Variants in PLEKHB1 observed in about 807,000 individuals in gnomAD.
PLEKHB1 encodes pleckstrin homology domain-containing family B member 1.
Under a neutral mutation model 36.2 loss-of-function variants are expected in PLEKHB1, and 29 were observed. The observed-to-expected ratio is 0.80, with a 90% CI of 0.60 to 1.09. The LOEUF (loss-of-function observed/expected upper bound fraction) is 1.09, where lower values mean the gene tolerates loss of function less well. Among genes scored for constraint, PLEKHB1 ranks in the 50% least tolerant of loss-of-function variants. The probability of loss-of-function intolerance (pLI) is 0.00; values close to 1 mark genes in which losing one functional copy is unlikely to be tolerated. For missense variants in PLEKHB1, 330 were observed against 348.2 expected (o/e 0.95, Z 0.42); for synonymous variants, 138 against 140.0 (o/e 0.99, Z 0.10).
intron 1 of PLEKHB1, 142 bp from the exon 2 acceptor site, chr11:73,648,870 G>A: frequency 2.8e-6 from 4 of 1,419,188 alleles, no homozygotes; most frequent in Non-Finnish European, 3.7e-6. Context: ...AGAGAATGGG[G>A]AGGAGGCCGA....
intron 6 of PLEKHB1, 90 bp from the exon 7 acceptor site, chr11:73,660,663 A>C: frequency 7.9e-7 from 1 of 1,269,946 alleles, no homozygotes; most frequent in Non-Finnish European, 1.1e-6. Context: ...GGCTCCATGG[A>C]TCCCAGAGAG....
intron 3 of PLEKHB1, 93 bp from the exon 4 acceptor site, chr11:73,651,695 C>T (rs1023054079): frequency 1.0e-6 from 1 of 983,216 alleles, no homozygotes; most frequent in South Asian, 1.4e-5. Flanking sequence ...TAAACAGAGC[C>T]CAGAGAAGTC....
chr11:73,655,895 G>A lies in PLEKHB1; in HGVS notation c.483G>A (p.Glu161=). The part of the protein sequence containing the change: ...VTRSWSPCKV[E]RRIWVRVYSP... ...GCTCGTGGAGCCCCTGTAAGGTTGA[G>A]AGGCGGATCTGGGTAAGTGCTGGCT... The change falls in exon 6 of 8, where the codon GAG becomes GAA. Residue 161 remains glutamate (E), a synonymous_variant. Coordinates refer to ENST00000354190, the MANE Select transcript of PLEKHB1 (RefSeq NM_021200.3). The A allele has an allele frequency of 6.2e-7, 1 of 1,613,802 alleles. No homozygotes were observed. Among genetic ancestry groups the A allele is most frequent in the Non-Finnish European group, 8.5e-7 (1 of 1,179,852 alleles).
At chr11:73,649,383 C>T (rs1007807233) in intron 2 of PLEKHB1, among the ~76,000 whole-genome samples, 9 of 152,096 alleles carry the variant, frequency 5.9e-5, no homozygotes, top group African/African-American at 1.7e-4. Context: ...GCTCCCTCCT[C>T]GGTTTTCACG....
chr11:73,646,770 T>C, intron 1 of PLEKHB1, 144 bp downstream of exon 1: 1 of 845,890 alleles, frequency 1.2e-6, no homozygotes, highest in East Asian at 2.7e-5. Flanking sequence ...TAGGTGAGGG[T>C]TTGCGGGGCT....
In PLEKHB1 at chr11:73,660,800, C is replaced by T. The variant is rs1481302009; in HGVS notation, c.543C>T (p.Pro181=). The T allele has an allele frequency of 1.2e-6, 2 of 1,602,832 alleles. No homozygotes were observed. Among genetic ancestry groups the T allele is most frequent in the Admixed American group, 1.7e-5 (1 of 58,710 alleles). ...PYQDYYEVVP[P]NAHEATYVRS... ...AAGACTACTACGAGGTGGTGCCCCC[C>T]AATGCACACGAGGCCACGTATGTCC... is the stretch of plus-strand genomic sequence containing the variant. The change falls in exon 7 of 8, where the codon CCC becomes CCT. Residue 181 remains proline (P), a synonymous_variant. Transcript: ENST00000354190.
intron 6 of PLEKHB1, among the ~76,000 whole-genome samples, chr11:73,656,592 TC>T (rs1944997603): frequency 6.6e-6 from 1 of 152,152 alleles, no homozygotes; most frequent in Non-Finnish European, 1.5e-5. Flanking sequence ...CCTCAATGTT[TC>T]TTGAAGGCAG....
At position 73,661,557 on chromosome 11, in the gene PLEKHB1, TG is replaced by T; in HGVS notation, c.691del (p.Ala231ArgfsTer21). 1 of 1,609,488 alleles carries T rather than the reference TG, an allele frequency of 6.2e-7. No individual in the cohort carries two copies. Among genetic ancestry groups the T allele is most frequent in the Non-Finnish European group, 8.5e-7 (1 of 1,177,566 alleles). On this transcript the variant is annotated frameshift_variant, in exon 8 of 8. Coordinates refer to ENST00000354190, the MANE Select transcript of PLEKHB1 (RefSeq NM_021200.3). LOFTEE classifies it high-confidence loss of function. This position sits in a 1 kb window ranked among gnomAD's most constrained non-coding sequence, Gnocchi z 4.6. ...AMGMLAGAAT[G>X]AALGSLMWSP... ...TGGGCATGCTTGCGGGAGCCGCCAC[TG>T]GGGCGGCGCTGGGCTCGCTCATGTG...
intron 6 of PLEKHB1, chr11:73,660,490 G>T (rs1945082740): frequency 3.9e-6 from 2 of 509,510 alleles, no homozygotes; most frequent in Non-Finnish European, 7.0e-6. Flanking sequence ...GAGCCATAGA[G>T]AATTTTTTGA....
At chr11:73,654,563 C>T (rs779058980) in intron 5 of PLEKHB1, among the ~76,000 whole-genome samples, 95 of 152,162 alleles carry the variant, frequency 6.2e-4, no homozygotes, top group Non-Finnish European at 1.2e-3. Flanking sequence ...GGGGAGGTGA[C>T]TTGTCCAAAG....
chr11:73,656,101 A>G (rs1253435896), intron 6 of PLEKHB1, among the ~76,000 whole-genome samples, 194 bp downstream of exon 6: 1 of 152,146 alleles, frequency 6.6e-6, no homozygotes, highest in African/African-American at 2.4e-5. Flanking sequence ...GCCTTCGCAC[A>G]TGCTGTTCCC....
chr11:73,659,752 A>G (rs1157692673), intron 6 of PLEKHB1, among the ~76,000 whole-genome samples: 1 of 152,218 alleles, frequency 6.6e-6, no homozygotes, highest in Non-Finnish European at 1.5e-5. Flanking sequence ...AGGGGAGGGC[A>G]GGGAATGCAT....
intron 5 of PLEKHB1, among the ~76,000 whole-genome samples, chr11:73,654,701 T>C (rs1192043438): frequency 6.6e-6 from 1 of 152,216 alleles, no homozygotes; most frequent in African/African-American, 2.4e-5. Context: ...CACATGTGTG[T>C]GTGCACAAGT....
Position 73,661,803 on chromosome 11 carries a change from G to A in PLEKHB1, c.*201G>A. On this transcript the variant is annotated 3_prime_UTR_variant, in exon 8 of 8. Coordinates refer to ENST00000354190, the MANE Select transcript of PLEKHB1 (RefSeq NM_021200.3). The surrounding 1 kb of genome is among the most constrained non-coding windows in gnomAD (Gnocchi z 4.6). ...AGCTATCATCACAGGTACAAACATC[G>A]CTTGAAGTCTTCACATCTACCACTA... 4.8e-6 allele frequency: 3 copies of A among 628,270 alleles called. No homozygotes were observed. Among genetic ancestry groups the A allele is most frequent in the Non-Finnish European group, 7.7e-6 (3 of 390,080 alleles). 38.9% of individuals were successfully genotyped at this position (628,270 alleles called of 1,614,324 possible).
chr11:73,660,425 T>A lies in PLEKHB1; in HGVS notation c.496-328T>A, dbSNP rs182875026. ...GACTAGTAGAGCTGGGTCTTTCAAG[T>A]GGCATTATTGTAGAGCTGCTAGCAA... On this transcript the variant is annotated intron_variant, in intron 6 of 7. Coordinates refer to ENST00000354190, the MANE Select transcript of PLEKHB1 (RefSeq NM_021200.3). 39 of 280,552 alleles carry A rather than the reference T, an allele frequency of 1.4e-4. No individual in the cohort carries two copies. In the East Asian group the frequency reaches 1.7e-3, roughly 12 times the overall value. The allele number at this position is 280,552 out of a possible 1,614,324, so 17.4% of individuals were successfully genotyped here.
chr11:73,657,870 G>A lies in PLEKHB1; in HGVS notation c.495+1963G>A, dbSNP rs532801905. Among the ~76,000 whole-genome samples, 22 of 152,316 alleles carry A rather than the reference G, an allele frequency of 1.4e-4. 1 individual carries two copies. The highest frequency in any genetic ancestry group is 5.3e-4 in the African/African-American group (22 of 41,564). ...AGCACCGTAGAGTTCACTGACTTAC[G>A]ACATTGCTTGTCTGAGCCTCTTGCA... On this transcript the variant is annotated intron_variant, in intron 6 of 7. Transcript: ENST00000354190.
chr11:73,661,432 G>A lies in PLEKHB1; in HGVS notation c.596-34G>A. The A allele has an allele frequency of 1.2e-6, 2 of 1,612,296 alleles. No individual in the cohort carries two copies. Among genetic ancestry groups the A allele is most frequent in the Non-Finnish European group, 1.7e-6 (2 of 1,178,454 alleles). ...CGAAGATCACTCTACTCCCTCCTAA[G>A]TCGCTGATCCTCATGGGCTGTCTCC... On this transcript the variant is annotated intron_variant, in intron 7 of 7. Transcript: ENST00000354190. This position sits in a 1 kb window ranked among gnomAD's most constrained non-coding sequence, Gnocchi z 4.6.
At chr11:73,651,443 G>A (rs1197217433) in intron 3 of PLEKHB1, 6 of 507,888 alleles carry the variant, frequency 1.2e-5, no homozygotes, top group South Asian at 9.2e-5. Flanking sequence ...CACAGTTCCT[G>A]CCCTCCAGGC....
intron 3 of PLEKHB1, 55 bp from the exon 4 acceptor site, chr11:73,651,732 TG>T (rs1360808533): frequency 2.1e-6 from 3 of 1,415,826 alleles, no homozygotes; most frequent in Non-Finnish European, 2.0e-6. Context: ...CCTGCTTTAC[TG>T]GGGGGACCTG....
Sources: gnomAD v4.1 joint callset for allele counts (sites outside exome capture counted in the v4.1 genomes callset) on GRCh38, gnomAD v4.1.1 for gene constraint, Gnocchi (gnomAD v3.1) non-coding constraint, MANE v1.5 for transcripts, NCBI Gene and HGNC (gene_info 2026-07-23, HGNC 2026-07-21) for gene names.